The following TPGS1 variants were observed in gnomAD, a reference collection of about 807,000 sequenced individuals.
The protein encoded by TPGS1 is gene trap ROSA b-geo 22.
TPGS1 carries 18 observed loss-of-function variants against 11.9 expected under a neutral mutation model. The ratio of observed to expected loss-of-function variants is 1.51; its 90% CI spans 1.04 to 2.24. The LOEUF (loss-of-function observed/expected upper bound fraction) is 2.24, where lower values mean the gene tolerates loss of function less well. TPGS1 is among the 30% of genes most tolerant of loss of function. The pLI, the probability that TPGS1 is intolerant of heterozygous loss-of-function variation, is 0.00. For synonymous variants in TPGS1, 247 were observed against 218.2 expected, an observed-to-expected ratio of 1.13 and a Z score of -1.16; for missense variants, 500 against 443.0, an observed-to-expected ratio of 1.13 and a Z score of -1.16.
intron 1 of TPGS1, among the ~76,000 whole-genome samples, chr19:516,044 A>AAAG (rs1568323242): frequency 5.1e-4 from 66 of 129,632 alleles, no homozygotes; most frequent in African/African-American, 1.6e-3. Context: ...AAAAAAAAAA[A>AAAG]AAAGGAAGAA....
chr19:508,863 G>T (rs1978705344), intron 1 of TPGS1: 1 of 152,438 alleles, frequency 6.6e-6, no homozygotes, highest in Non-Finnish European at 1.5e-5. Context: ...AGGGTGTTGG[G>T]TACCTGGACA....
In TPGS1 at chr19:507,611, G is replaced by A. The variant is rs551689110; in HGVS notation, c.105G>A (p.Glu35=). The A allele has an allele frequency of 5.7e-6, 8 of 1,399,200 alleles. No homozygotes were observed. Among genetic ancestry groups the A allele is most frequent in the East Asian group, 3.0e-5 (1 of 33,566 alleles). The allele number at this position is 1,399,200 out of a possible 1,614,324, so 86.7% of individuals were successfully genotyped here. The change falls in exon 1 of 2, where the codon GAG becomes GAA. Residue 35 remains glutamate (E), a synonymous_variant. Transcript: ENST00000359315. The part of the protein sequence containing the change: ...VSRAAGAAES[E]EDFLRQVGVT... ...GGGCGGCGGGGGCGGCCGAGAGCGA[G>A]GAGGACTTCCTGCGGCAGGTCGGCG... is the stretch of plus-strand genomic sequence containing the variant.
intron 1 of TPGS1, among the ~76,000 whole-genome samples, chr19:516,679 G>A (rs950972322): frequency 6.6e-6 from 1 of 152,198 alleles, no homozygotes. Flanking sequence ...CACCGTGCCT[G>A]GCCAACATTT....
Position 519,141 on chromosome 19 carries a change from C to A in TPGS1, c.591C>A (p.Arg197=), listed in dbSNP as rs1359287135. 5.9e-6 allele frequency: 9 copies of A among 1,514,474 alleles called. No individual in the cohort carries two copies. The highest frequency in any genetic ancestry group is 7.9e-6 in the Non-Finnish European group (9 of 1,138,986). The allele number at this position is 1,514,474 out of a possible 1,614,324, so 93.8% of individuals were successfully genotyped here. ...TCFVLLEFVA[R]AGALFQLLED... The stretch of plus-strand genomic sequence containing the variant: ...TCGTGCTGCTGGAGTTCGTGGCGCG[C>A]GCCGGCGCGCTCTTCCAGCTGCTGG... Residue 197 remains arginine (R), a synonymous_variant, in exon 2 of 2, where the codon CGC becomes CGA. Transcript: ENST00000359315.
intron 1 of TPGS1, among the ~76,000 whole-genome samples, chr19:512,510 A>C (rs1471762488): frequency 6.6e-6 from 1 of 151,494 alleles, no homozygotes. Flanking sequence ...ACCTGCAATC[A>C]TGACCACAGA....
At chr19:508,305 G>A (rs1472533660) in intron 1 of TPGS1, 1 of 154,380 alleles carries the variant, frequency 6.5e-6, no homozygotes, top group Non-Finnish European at 1.4e-5. Context: ...TTAGGGGACA[G>A]GCTCCCAGCG....
chr19:519,144 C>G lies in TPGS1; in HGVS notation c.594C>G (p.Ala198=). The change falls in exon 2 of 2, where the codon GCC becomes GCG. Residue 198 remains alanine (A), a synonymous_variant. Coordinates refer to ENST00000359315, the MANE Select transcript of TPGS1 (RefSeq NM_033513.3). ...TGCTGCTGGAGTTCGTGGCGCGCGC[C>G]GGCGCGCTCTTCCAGCTGCTGGAGG... The part of the protein sequence containing the change: ...CFVLLEFVAR[A]GALFQLLEDS... 6.6e-7 allele frequency: 1 copy of G among 1,513,794 alleles called. No homozygotes were observed. Among genetic ancestry groups the G allele is most frequent in the Non-Finnish European group, 8.8e-7 (1 of 1,138,620 alleles). 93.8% of individuals were successfully genotyped at this position (1,513,794 alleles called of 1,614,324 possible). A position where few individuals can be genotyped will look rare whatever the true frequency, so the allele number is the denominator to read the frequency against.
chr19:507,538 T>A lies in TPGS1; in HGVS notation c.32T>A (p.Val11Glu), dbSNP rs1227482156. 7.0e-7 allele frequency: 1 copy of A among 1,419,746 alleles called. No individual in the cohort carries two copies. The allele number at this position is 1,419,746 out of a possible 1,614,324, so 87.9% of individuals were successfully genotyped here. ...GCAGTGGAGAAGCGGCGGCAAGCGG[T>A]ACCACCGCCGGCCGGTTTCACGGAC... is the stretch of plus-strand genomic sequence containing the variant. Reference protein sequence around the residue: MAAVEKRRQAVPPPAGFTDSG... With the variant: MAAVEKRRQAEPPPAGFTDSG... The change falls in exon 1 of 2, where the codon GTA becomes GAA. Residue 11 changes from valine (V) to glutamate (E), a missense_variant. Physicochemically the swap from Val to Glu is moderately radical, Grantham distance 121. Coordinates refer to ENST00000359315, the MANE Select transcript of TPGS1 (RefSeq NM_033513.3).
Position 519,368 on chromosome 19 carries a change from A to G in TPGS1, c.818A>G (p.Glu273Gly). 1 of 1,216,402 alleles carries G rather than the reference A, an allele frequency of 8.2e-7. No individual in the cohort carries two copies. Among genetic ancestry groups the G allele is most frequent in the Non-Finnish European group, 1.0e-6 (1 of 977,218 alleles). The allele number at this position is 1,216,402 out of a possible 1,614,324, so 75.4% of individuals were successfully genotyped here. The change falls in exon 2 of 2, where the codon GAG (glutamate) becomes GGG (glycine). Residue 273 changes from glutamate (E) to glycine (G), a missense_variant. Glu to Gly is a moderately conservative substitution (Grantham distance 98). Coordinates refer to ENST00000359315, the MANE Select transcript of TPGS1 (RefSeq NM_033513.3). ...RRPSAPMTRE[E>G]FLERAAALFI... ...CCCAGCGCGCCCATGACCCGCGAGG[A>G]GTTTCTGGAGAGGGCCGCCGCGCTC... is the stretch of plus-strand genomic sequence containing the variant.
At chr19:512,749 T>C (rs986519692) in intron 1 of TPGS1, among the ~76,000 whole-genome samples, 2 of 152,046 alleles carry the variant, frequency 1.3e-5, no homozygotes, top group African/African-American at 4.8e-5. Flanking sequence ...CCTGGTGCCG[T>C]CCCTTCCCCC....
chr19:517,364 A>G, intron 1 of TPGS1, among the ~76,000 whole-genome samples: 1 of 73,806 alleles, frequency 1.4e-5, no homozygotes, highest in Non-Finnish European at 2.6e-5. Context: ...TGCGGGGAGG[A>G]GAGGCCTGAG....
At chr19:518,319 G>C (rs1979028113) in intron 1 of TPGS1, among the ~76,000 whole-genome samples, 1 of 78,282 alleles carries the variant, frequency 1.3e-5, no homozygotes, top group Admixed American at 1.1e-4. Context: ...GCTGGGAGGA[G>C]GGAGGCCCAG....
At position 507,859 on chromosome 19, in the gene TPGS1, G is replaced by T; in HGVS notation, c.338+15G>T. Reference sequence around the variant, plus strand: ...CACTCCCAGAGGTGCGCAGTGGGCCGGCTTGGGCGGGTGGGGCAGCGATGG... The same window carrying T: ...CACTCCCAGAGGTGCGCAGTGGGCCTGCTTGGGCGGGTGGGGCAGCGATGG... On this transcript the variant is annotated intron_variant, in intron 1 of 1. Coordinates refer to ENST00000359315, the MANE Select transcript of TPGS1 (RefSeq NM_033513.3). 7.6e-7 allele frequency: 1 copy of T among 1,313,852 alleles called. No individual in the cohort carries two copies. The highest frequency in any genetic ancestry group is 2.0e-5 in the South Asian group (1 of 49,146). 81.4% of individuals were successfully genotyped at this position (1,313,852 alleles called of 1,614,324 possible). A position where few individuals can be genotyped will look rare whatever the true frequency, so the allele number is the denominator to read the frequency against.
At position 519,341 on chromosome 19, in the gene TPGS1, G is replaced by T. The variant is rs550238099; in HGVS notation, c.791G>T (p.Arg264Leu). ...LALDRAVGGR[R>L]PSAPMTREEF... ...CTGGACCGCGCCGTCGGGGGGCGGC[G>T]GCCCAGCGCGCCCATGACCCGCGAG... The change falls in exon 2 of 2, where the codon CGG (arginine) becomes CTG (leucine). Residue 264 changes from arginine to leucine, a missense_variant. Arg to Leu is a moderately radical substitution (Grantham distance 102). Transcript: ENST00000359315. 4.2e-3 allele frequency: 5,067 copies of T among 1,200,082 alleles called. 19 individuals carry two copies. Among genetic ancestry groups the T allele is most frequent in the Non-Finnish European group, 4.9e-3 (4,749 of 967,142 alleles). The allele number at this position is 1,200,082 out of a possible 1,614,324, so 74.3% of individuals were successfully genotyped here.
At chr19:515,526 ACT>A (rs1446911900) in intron 1 of TPGS1, among the ~76,000 whole-genome samples, 3 of 151,756 alleles carry the variant, frequency 2.0e-5, no homozygotes, top group South Asian at 2.1e-4. Context: ...CCACGAGGTC[ACT>A]CGAGATCCAG....
Position 507,547 on chromosome 19 carries a change from C to T in TPGS1, c.41C>T (p.Pro14Leu), listed in dbSNP as rs1048319253. 11 of 1,418,792 alleles carry T rather than the reference C, an allele frequency of 7.8e-6. No individual in the cohort carries two copies. The highest frequency in any genetic ancestry group is 2.9e-5 in the East Asian group (1 of 34,924). 87.9% of individuals were successfully genotyped at this position (1,418,792 alleles called of 1,614,324 possible). A position where few individuals can be genotyped will look rare whatever the true frequency, so the allele number is the denominator to read the frequency against. Residue 14 changes from proline to leucine, a missense_variant, in exon 1 of 2, where the codon CCG becomes CTG. By Grantham distance (98) the Pro-to-Leu change is moderately conservative. Coordinates refer to ENST00000359315, the MANE Select transcript of TPGS1 (RefSeq NM_033513.3). ...VEKRRQAVPP[P>L]AGFTDSGRQS... Reference sequence around the variant, plus strand: ...AAGCGGCGGCAAGCGGTACCACCGCCGGCCGGTTTCACGGACAGCGGCCGC... The same window carrying T: ...AAGCGGCGGCAAGCGGTACCACCGCTGGCCGGTTTCACGGACAGCGGCCGC...
chr19:513,711 T>G (rs1978870798), intron 1 of TPGS1, among the ~76,000 whole-genome samples: 1 of 148,102 alleles, frequency 6.8e-6, no homozygotes, highest in Admixed American at 6.8e-5. Context: ...CCAGCATTAC[T>G]GAGTACCTAC....
chr19:519,345 C>T lies in TPGS1; in HGVS notation c.795C>T (p.Pro265=). ...ACCGCGCCGTCGGGGGGCGGCGGCC[C>T]AGCGCGCCCATGACCCGCGAGGAGT... ...ALDRAVGGRR[P]SAPMTREEFL... The change falls in exon 2 of 2, where the codon CCC becomes CCT. Residue 265 remains proline (P), a synonymous_variant. Coordinates refer to ENST00000359315, the MANE Select transcript of TPGS1 (RefSeq NM_033513.3). 8.3e-7 allele frequency: 1 copy of T among 1,202,798 alleles called. No homozygotes were observed. The highest frequency in any genetic ancestry group is 1.0e-6 in the Non-Finnish European group (1 of 968,784). 74.5% of individuals were successfully genotyped at this position (1,202,798 alleles called of 1,614,324 possible). A position where few individuals can be genotyped will look rare whatever the true frequency, so the allele number is the denominator to read the frequency against.
At chr19:512,865 C>CA (rs2145832591) in intron 1 of TPGS1, among the ~76,000 whole-genome samples, 1 of 152,336 alleles carries the variant, frequency 6.6e-6, no homozygotes. Context: ...GGGTTGCTGG[C>CA]TCGGCTGGGC....
Sources: allele counts gnomAD v4.1 joint callset (sites outside exome capture counted in the v4.1 genomes callset), GRCh38; gene constraint gnomAD v4.1.1; transcripts MANE v1.5; gene names NCBI Gene and HGNC (gene_info 2026-07-23, HGNC 2026-07-21).